The following F10 variants were observed in gnomAD, a reference collection of about 807,000 sequenced individuals.
F10 encodes Stuart-Prower factor.
In F10, 29 loss-of-function variants were observed where a neutral mutation model predicts 37.1. The ratio of observed to expected loss-of-function variants is 0.78; its 90% CI spans 0.58 to 1.07. The LOEUF is 1.07. F10 is among the 50% of genes least tolerant of loss of function. The probability of loss-of-function intolerance (pLI) is 0.00; values close to 1 mark genes in which losing one functional copy is unlikely to be tolerated. For missense variants in F10, 539 were observed against 667.9 expected, an observed-to-expected ratio of 0.81 and a Z score of 2.13; for synonymous variants, 262 against 268.6, an observed-to-expected ratio of 0.98 and a Z score of 0.24.
chr13:113,129,397 G>GGGAGCATGGGTGAAGA lies in F10; in HGVS notation c.71-50_71-49insATGGGTGAAGAGGAGC, dbSNP rs2036403671. 9 of 1,605,376 alleles carry GGGAGCATGGGTGAAGA rather than the reference G, an allele frequency of 5.6e-6. No homozygotes were observed. The Admixed American group carries it at 1.3e-4, about 24-fold the overall frequency. Reference sequence around the variant, plus strand: ...TGGCAGTCAGGGAGCATAGGTGAGGGGGAGCCTGGGTGAGGGTGACCAGAG... The same window carrying GGGAGCATGGGTGAAGA: ...TGGCAGTCAGGGAGCATAGGTGAGGGGGAGCATGGGTGAAGAGGAGCCTGGGTGAGGGTGACCAGAG... On this transcript the variant is annotated intron_variant, in intron 1 of 7. Transcript: ENST00000375559.
rs1441714202 is a variant in F10, at chr13:113,144,703, A to G, written c.747+608A>G. 6.6e-6 allele frequency among the ~76,000 whole-genome samples: 1 copy of G among 152,248 alleles called. No individual in the cohort carries two copies. The highest frequency in any genetic ancestry group is 1.5e-5 in the Non-Finnish European group (1 of 68,034). On this transcript the variant is annotated intron_variant, in intron 6 of 7. Coordinates refer to ENST00000375559, the MANE Select transcript of F10 (RefSeq NM_000504.4). The surrounding 1 kb of genome is among the most constrained non-coding windows in gnomAD (Gnocchi z 6.4). ...CTACTTATTTTCAAAGGTAAAAAAG[A>G]AAATCACTCTTTGAGGCTTTTTTGT...
chr13:113,127,633 T>C (rs1030277968), intron 1 of F10, among the ~76,000 whole-genome samples: 31 of 152,172 alleles, frequency 2.0e-4, no homozygotes, highest in African/African-American at 7.0e-4. Flanking sequence ...TTGCCAGTCA[T>C]GAAATCAACT....
chr13:113,148,330 C>CA (rs780002275), intron 7 of F10, among the ~76,000 whole-genome samples: 7,919 of 90,618 alleles, frequency 0.087, 387 homozygotes, highest in East Asian at 0.13. Context: ...AACTCTGTCT[C>CA]AAAAAAAAAA....
At position 113,149,347 on chromosome 13, in the gene F10, G is replaced by A. The variant is rs775500707; in HGVS notation, c.1297G>A (p.Val433Met). 19 of 1,613,362 alleles carry A rather than the reference G, an allele frequency of 1.2e-5. No individual in the cohort carries two copies. The highest frequency in any genetic ancestry group is 3.3e-5 in the Admixed American group (2 of 60,030). The change falls in exon 8 of 8, where the codon GTG becomes ATG. Residue 433 changes from valine to methionine, a missense_variant. By Grantham distance (21) the Val-to-Met change is conservative (BLOSUM62 1). This residue lies in a region of F10 where 409 missense variants were observed against 547.9 expected (regional missense o/e 0.75). Coordinates refer to ENST00000375559, the MANE Select transcript of F10 (RefSeq NM_000504.4). The surrounding 1 kb of genome is among the most constrained non-coding windows in gnomAD (Gnocchi z 7.5). ...CACCCGCTTCAAGGACACCTACTTC[G>A]TGACAGGCATCGTCAGCTGGGGAGA... ...HVTRFKDTYF[V>M]TGIVSWGEGC...
At chr13:113,138,114 C>T (rs1217136356) in intron 2 of F10, among the ~76,000 whole-genome samples, 1 of 152,172 alleles carries the variant, frequency 6.6e-6, no homozygotes, top group Non-Finnish European at 1.5e-5. Context: ...TGAATGTTAA[C>T]TCAGGCATAG....
chr13:113,149,272 G>C lies in F10; in HGVS notation c.1222G>C (p.Asp408His). ...ITQNMFCAGY[D>H]TKQEDACQGD... ...CCAGAACATGTTCTGTGCCGGCTACGACACCAAGCAGGAGGATGCCTGCCA... is the reference window on the plus strand; with the variant it reads ...CCAGAACATGTTCTGTGCCGGCTACCACACCAAGCAGGAGGATGCCTGCCA... The change falls in exon 8 of 8, where the codon GAC becomes CAC. Residue 408 changes from aspartate (D) to histidine (H), a missense_variant. Asp to His is a moderately conservative substitution (Grantham distance 81). Around this residue, in one of 2 missense-constraint regions of F10, gnomAD observed 409 missense variants for 547.9 expected, o/e 0.75. Transcript: ENST00000375559. The surrounding 1 kb of genome is among the most constrained non-coding windows in gnomAD (Gnocchi z 7.5). 6.2e-7 allele frequency: 1 copy of C among 1,613,172 alleles called. No homozygotes were observed. Among genetic ancestry groups the C allele is most frequent in the African/African-American group, 1.3e-5 (1 of 75,052 alleles).
At position 113,139,221 on chromosome 13, in the gene F10, G is replaced by A. The variant is rs2036505199; in HGVS notation, c.257-136G>A. On this transcript the variant is annotated intron_variant, in intron 3 of 7. Coordinates refer to ENST00000375559, the MANE Select transcript of F10 (RefSeq NM_000504.4). This position sits in a 1 kb window ranked among gnomAD's most constrained non-coding sequence, Gnocchi z 5.2. The stretch of plus-strand genomic sequence containing the variant: ...GGGTGGATCAAATAAAGTCCAAAGA[G>A]GGGGAGTTGTTTACAGAGAAACCGG... 3 of 695,506 alleles carry A rather than the reference G, an allele frequency of 4.3e-6. No individual in the cohort carries two copies. The highest frequency in any genetic ancestry group is 1.7e-5 in the South Asian group (1 of 59,914). The allele number at this position is 695,506 out of a possible 1,614,324, so 43.1% of individuals were successfully genotyped here. A position where few individuals can be genotyped will look rare whatever the true frequency, so the allele number is the denominator to read the frequency against.
chr13:113,142,746 T>C (rs1174311477), intron 5 of F10, among the ~76,000 whole-genome samples: 1 of 126,994 alleles, frequency 7.9e-6, no homozygotes, highest in Non-Finnish European at 1.8e-5. Context: ...GCCAACATGG[T>C]GAAACCCTGT....
At chr13:113,140,517 A>G (rs2036517685) in intron 4 of F10, 1 of 478,938 alleles carries the variant, frequency 2.1e-6, no homozygotes, top group African/African-American at 2.0e-5. Flanking sequence ...TATGAGGCAT[A>G]ACCCTGTTCA....
chr13:113,132,529 A>G (rs530681674), intron 2 of F10, among the ~76,000 whole-genome samples: 1 of 152,370 alleles, frequency 6.6e-6, no homozygotes, highest in East Asian at 1.9e-4. Context: ...AAGGTTATCA[A>G]CAAGTTCCAA....
Position 113,147,632 on chromosome 13 carries a change from A to G in F10, c.865+136A>G, listed in dbSNP as rs530627891. On this transcript the variant is annotated intron_variant, in intron 7 of 7. Transcript: ENST00000375559. Reference sequence around the variant, plus strand: ...AATCCTATTTGTAGGGGTTAGGGGCATTTCACAGAGGAAGAAGATGAGGAA... The same window carrying G: ...AATCCTATTTGTAGGGGTTAGGGGCGTTTCACAGAGGAAGAAGATGAGGAA... 1,426 of 686,306 alleles carry G rather than the reference A, an allele frequency of 2.1e-3. 15 individuals are homozygous for G. Among genetic ancestry groups the G allele is most frequent in the South Asian group, 0.013 (833 of 63,614 alleles). 42.5% of individuals were successfully genotyped at this position (686,306 alleles called of 1,614,324 possible).
At chr13:113,142,482 G>A (rs950071494) in intron 5 of F10, among the ~76,000 whole-genome samples, 4 of 145,196 alleles carry the variant, frequency 2.8e-5, no homozygotes, top group South Asian at 2.1e-4. Context: ...CCTGGAAGGC[G>A]GAGCTTGCAC....
intron 7 of F10, 37 bp downstream of exon 7, chr13:113,147,533 G>A (rs2036593624): frequency 1.7e-6 from 2 of 1,209,908 alleles, no homozygotes; most frequent in Non-Finnish European, 2.5e-6. Context: ...GTGGTGAGGG[G>A]CACCGTCACT....
chr13:113,143,717 C>T lies in F10; in HGVS notation c.503-134C>T. The T allele has an allele frequency of 6.5e-4, 884 of 1,356,316 alleles. No homozygotes were observed. Among genetic ancestry groups the T allele is most frequent in the Admixed American group, 4.5e-3 (207 of 46,356 alleles). The allele number at this position is 1,356,316 out of a possible 1,614,324, so 84.0% of individuals were successfully genotyped here. A position where few individuals can be genotyped will look rare whatever the true frequency, so the allele number is the denominator to read the frequency against. ...GCCGACGACGTGGGGCCTCGCCCTGCAAGCCCGCTGCCCCTCCGGGTGCCC... is the reference window on the plus strand; with the variant it reads ...GCCGACGACGTGGGGCCTCGCCCTGTAAGCCCGCTGCCCCTCCGGGTGCCC... On this transcript the variant is annotated intron_variant, in intron 5 of 7. Coordinates refer to ENST00000375559, the MANE Select transcript of F10 (RefSeq NM_000504.4). This position sits in a 1 kb window ranked among gnomAD's most constrained non-coding sequence, Gnocchi z 6.8.
chr13:113,135,060 G>T (rs1203922863), intron 2 of F10, among the ~76,000 whole-genome samples: 1 of 151,994 alleles, frequency 6.6e-6, no homozygotes, highest in Non-Finnish European at 1.5e-5. Context: ...GGCCAACATG[G>T]TGAAACCCCG....
At chr13:113,126,899 G>A (rs2036375861) in intron 1 of F10, among the ~76,000 whole-genome samples, 1 of 152,222 alleles carries the variant, frequency 6.6e-6, no homozygotes, top group Non-Finnish European at 1.5e-5. Flanking sequence ...TGGAGTGGAG[G>A]TGACATGAGG....
chr13:113,143,741 C>G lies in F10; in HGVS notation c.503-110C>G, dbSNP rs761301008. 20 of 1,524,606 alleles carry G rather than the reference C, an allele frequency of 1.3e-5. No individual in the cohort carries two copies. The highest frequency in any genetic ancestry group is 1.8e-5 in the Non-Finnish European group (20 of 1,129,624). The allele number at this position is 1,524,606 out of a possible 1,614,324, so 94.4% of individuals were successfully genotyped here. A position where few individuals can be genotyped will look rare whatever the true frequency, so the allele number is the denominator to read the frequency against. ...GCAAGCCCGCTGCCCCTCCGGGTGC[C>G]CCTGCGCTCTGCCTCCCGGCTCTCT... On this transcript the variant is annotated intron_variant, in intron 5 of 7. Transcript: ENST00000375559. The surrounding 1 kb of genome is among the most constrained non-coding windows in gnomAD (Gnocchi z 6.8).
At chr13:113,145,562 A>G (rs1041997855) in intron 6 of F10, among the ~76,000 whole-genome samples, 4 of 152,226 alleles carry the variant, frequency 2.6e-5, no homozygotes, top group African/African-American at 2.4e-5. Context: ...GATTCAAGTC[A>G]AACTAGGTGT....
In F10 at chr13:113,149,054, GC is replaced by G; in HGVS notation, c.1005del (p.Met336Ter). ...VLRLKTPITF[R>X]MNVAPACLPE... ...CGGCTCAAGACCCCCATCACCTTCC[GC>G]ATGAACGTGGCGCCTGCCTGCCTCC... On this transcript the variant is annotated frameshift_variant, in exon 8 of 8. Coordinates refer to ENST00000375559, the MANE Select transcript of F10 (RefSeq NM_000504.4). LOFTEE classifies it low-confidence loss of function (END_TRUNC). The surrounding 1 kb of genome is among the most constrained non-coding windows in gnomAD (Gnocchi z 7.5). 1 of 1,613,400 alleles carries G rather than the reference GC, an allele frequency of 6.2e-7. No homozygotes were observed. Among genetic ancestry groups the G allele is most frequent in the African/African-American group, 1.3e-5 (1 of 75,030 alleles).
Sources: allele counts gnomAD v4.1 joint callset (sites outside exome capture counted in the v4.1 genomes callset), GRCh38; gene constraint gnomAD v4.1.1; regional missense constraint gnomAD v4.1.1; non-coding constraint Gnocchi (gnomAD v3.1); transcripts MANE v1.5; gene names NCBI Gene and HGNC (gene_info 2026-07-23, HGNC 2026-07-21).